Variants in SLC4A10 observed in about 807,000 individuals in gnomAD.
SLC4A10 encodes sodium-driven chloride bicarbonate exchanger.
Under a neutral mutation model 137.7 loss-of-function variants are expected in SLC4A10, and 42 were observed. The observed-to-expected ratio is 0.30, with a 90% confidence interval of 0.24 to 0.39. SLC4A10 has a LOEUF of 0.39. Among genes scored for constraint, SLC4A10 ranks in the 10% least tolerant of loss-of-function variants. The probability of loss-of-function intolerance (pLI) is 1.00; values close to 1 mark genes in which losing one functional copy is unlikely to be tolerated. For missense variants in SLC4A10, 925 were observed against 1,355.0 expected, an observed-to-expected ratio of 0.68 and a Z score of 4.98; for synonymous variants, 474 against 464.1, an observed-to-expected ratio of 1.02 and a Z score of -0.27.
rs1683713264 is a variant in SLC4A10, at chr2:161,903,907, A to G, written c.1443-97A>G. On this transcript the variant is annotated intron_variant, in intron 12 of 26. Coordinates refer to ENST00000446997, the MANE Select transcript of SLC4A10 (RefSeq NM_001178015.2). ...GTGTGTCTCACCTCTGCTGATGGAA[A>G]ACGTATACTGTGACCTGGCAACAAA... is the stretch of plus-strand genomic sequence containing the variant. 8.0e-6 allele frequency: 10 copies of G among 1,245,712 alleles called. No individual in the cohort carries two copies. In the South Asian group the frequency reaches 1.6e-4, roughly 20 times the overall value. 77.2% of individuals were successfully genotyped at this position (1,245,712 alleles called of 1,614,324 possible). A position where few individuals can be genotyped will look rare whatever the true frequency, so the allele number is the denominator to read the frequency against.
chr2:161,820,157 T>A (rs530222688), intron 3 of SLC4A10, among the ~76,000 whole-genome samples: 1 of 152,254 alleles, frequency 6.6e-6, no homozygotes, highest in South Asian at 2.1e-4. Context: ...ATTTTGTCAG[T>A]CTTAGGTGGT....
At position 161,847,833 on chromosome 2, in the gene SLC4A10, C is replaced by T. The variant is rs183968200; in HGVS notation, c.417-7137C>T. 3.4e-3 allele frequency among the ~76,000 whole-genome samples: 516 copies of T among 152,270 alleles called. 3 individuals are homozygous for T. The highest frequency in any genetic ancestry group is 0.012 in the African/African-American group (495 of 41,564). ...CTATTGTGAATAGTGCTGCAATGAA[C>T]ATACATGTGCATGTGTCTCTATGGT... On this transcript the variant is annotated intron_variant, in intron 4 of 26. Coordinates refer to ENST00000446997, the MANE Select transcript of SLC4A10 (RefSeq NM_001178015.2).
At chr2:161,873,843 C>G in intron 7 of SLC4A10, 73 bp from the exon 8 acceptor site, 4 of 1,444,540 alleles carry the variant, frequency 2.8e-6, no homozygotes, top group Non-Finnish European at 2.8e-6. Flanking sequence ...CGTGCATGCT[C>G]TCCCTCTGGT....
intron 1 of SLC4A10, among the ~76,000 whole-genome samples, chr2:161,757,806 A>G (rs1275104810): frequency 6.6e-6 from 1 of 152,174 alleles, no homozygotes; most frequent in Non-Finnish European, 1.5e-5. Context: ...TATGCTAAGT[A>G]GAGGAGATCA....
chr2:161,706,655 G>A (rs1382753835), intron 1 of SLC4A10, among the ~76,000 whole-genome samples: 1 of 151,334 alleles, frequency 6.6e-6, no homozygotes, highest in African/African-American at 2.4e-5. Context: ...TTTCCCTAAG[G>A]GTAAAGCTCA....
chr2:161,711,951 C>T (rs1459124758), intron 1 of SLC4A10, among the ~76,000 whole-genome samples: 6 of 151,778 alleles, frequency 4.0e-5, no homozygotes, highest in Admixed American at 4.0e-4. Context: ...TGTCAACATC[C>T]TTTGTCGACA....
chr2:161,874,367 A>C (rs1269576560), intron 8 of SLC4A10, among the ~76,000 whole-genome samples: 1 of 152,214 alleles, frequency 6.6e-6, no homozygotes, highest in Non-Finnish European at 1.5e-5. Flanking sequence ...ACTTTTTAAA[A>C]ATAATATAAC....
At chr2:161,925,002 C>T (rs2105540653) in intron 15 of SLC4A10, among the ~76,000 whole-genome samples, 1 of 152,186 alleles carries the variant, frequency 6.6e-6, no homozygotes, top group Admixed American at 6.5e-5. Flanking sequence ...TGGAAGAATA[C>T]CTTATAGGAG....
chr2:161,923,837 A>G (rs1316738893), intron 15 of SLC4A10, among the ~76,000 whole-genome samples: 1 of 151,574 alleles, frequency 6.6e-6, no homozygotes, highest in East Asian at 1.9e-4. Context: ...TAAAAAAAAG[A>G]AAAAAAAATA....
chr2:161,765,490 C>T (rs1407883926), intron 1 of SLC4A10, among the ~76,000 whole-genome samples: 1 of 151,624 alleles, frequency 6.6e-6, no homozygotes, highest in Non-Finnish European at 1.5e-5. Context: ...GCCTCTAAGC[C>T]CAGTTACTCA....
At chr2:161,681,090 T>C (rs2040804491) in intron 1 of SLC4A10, among the ~76,000 whole-genome samples, 1 of 152,156 alleles carries the variant, frequency 6.6e-6, no homozygotes. Flanking sequence ...CCTTCTCTCT[T>C]TTTCACTTTG....
intron 1 of SLC4A10, among the ~76,000 whole-genome samples, chr2:161,765,417 G>A (rs911591991): frequency 6.6e-6 from 1 of 151,990 alleles, no homozygotes; most frequent in African/African-American, 2.4e-5. Context: ...GACCAGGTTG[G>A]CCAATGTGGC....
intron 6 of SLC4A10, 88 bp from the exon 7 acceptor site, chr2:161,872,205 T>G: frequency 1.2e-6 from 1 of 830,088 alleles, no homozygotes; most frequent in Non-Finnish European, 1.9e-6. Context: ...AACCTGTTAG[T>G]CTAGTTTAAT....
intron 3 of SLC4A10, among the ~76,000 whole-genome samples, chr2:161,828,796 A>ATG (rs2058215243): frequency 8.5e-6 from 1 of 117,786 alleles, no homozygotes; most frequent in Non-Finnish European, 1.8e-5. Flanking sequence ...ATATATATAT[A>ATG]TATATATATA....
chr2:161,663,903 A>G (rs2038741465), intron 1 of SLC4A10, among the ~76,000 whole-genome samples: 1 of 151,982 alleles, frequency 6.6e-6, no homozygotes, highest in Non-Finnish European at 1.5e-5. Context: ...GAGGCTGTAT[A>G]TTTCATAACT....
chr2:161,654,933 A>G (rs548130304), intron 1 of SLC4A10, among the ~76,000 whole-genome samples: 26 of 152,084 alleles, frequency 1.7e-4, no homozygotes, highest in Non-Finnish European at 1.6e-4. Flanking sequence ...ATTTTGATGG[A>G]GACTGAATTG....
At chr2:161,688,715 A>G (rs962157554) in intron 1 of SLC4A10, among the ~76,000 whole-genome samples, 5 of 152,124 alleles carry the variant, frequency 3.3e-5, no homozygotes, top group Non-Finnish European at 7.4e-5. Flanking sequence ...TCTATTCACA[A>G]TTTAGCTAAT....
chr2:161,958,516 G>A lies in SLC4A10; in HGVS notation c.2823G>A (p.Val941=). 1 of 1,611,096 alleles carries A rather than the reference G, an allele frequency of 6.2e-7. No homozygotes were observed. Among genetic ancestry groups the A allele is most frequent in the Non-Finnish European group, 8.5e-7 (1 of 1,178,498 alleles). ...KFIPMPVLYG[V]FLYMGASSLK... Reference sequence around the variant, plus strand: ...TTCCCATGCCAGTGCTATATGGAGTGTTTCTTTATATGGGTGCTTCATCTC... The same window carrying A: ...TTCCCATGCCAGTGCTATATGGAGTATTTCTTTATATGGGTGCTTCATCTC... Residue 941 remains valine, a synonymous_variant, in exon 21 of 27, where the codon GTG becomes GTA. Coordinates refer to ENST00000446997, the MANE Select transcript of SLC4A10 (RefSeq NM_001178015.2).
intron 1 of SLC4A10, among the ~76,000 whole-genome samples, chr2:161,637,127 A>C (rs2034561533): frequency 6.8e-6 from 1 of 147,542 alleles, no homozygotes; most frequent in African/African-American, 2.5e-5. Flanking sequence ...ATATCTATAT[A>C]CATAAATACG....
Sources: gnomAD v4.1 joint callset for allele counts (sites outside exome capture counted in the v4.1 genomes callset) on GRCh38, gnomAD v4.1.1 for gene constraint, MANE v1.5 for transcripts, NCBI Gene and HGNC (gene_info 2026-07-23, HGNC 2026-07-21) for gene names.